SDK1: variants seen among roughly 807,000 people sequenced by gnomAD.
SDK1 encodes the protein protein sidekick-1.
SDK1 carries 157 observed loss-of-function variants against 245.5 expected under a neutral mutation model. The ratio of observed to expected loss-of-function variants is 0.64; its 90% CI spans 0.56 to 0.73. The LOEUF (loss-of-function observed/expected upper bound fraction) is 0.73, where lower values mean the gene tolerates loss of function less well. Among genes scored for constraint, SDK1 ranks in the 30% least tolerant of loss-of-function variants. SDK1 has a pLI of 0.00. For synonymous variants in SDK1, 1,647 were observed against 1,278.5 expected (o/e 1.29, Z -6.15); for missense variants, 3,583 against 3,002.3 (o/e 1.19, Z -4.52).
chr7:3,525,912 T>G (rs1488830141), intron 1 of SDK1, among the ~76,000 whole-genome samples: 2 of 152,166 alleles, frequency 1.3e-5, no homozygotes, highest in Admixed American at 6.5e-5. Context: ...GAATAGAGAT[T>G]GAGATAATAT....
chr7:3,952,081 C>T (rs1277417577), intron 7 of SDK1, 161 bp downstream of exon 7: 1 of 648,470 alleles, frequency 1.5e-6, no homozygotes, highest in Non-Finnish European at 2.6e-6. Flanking sequence ...AGCCTTCTTT[C>T]CCAAGAATAT....
chr7:3,928,785 G>A (rs1163919317), intron 5 of SDK1, among the ~76,000 whole-genome samples: 1 of 152,198 alleles, frequency 6.6e-6, no homozygotes, highest in East Asian at 1.9e-4. Flanking sequence ...AATCTTCAAG[G>A]TAGAGGGTGT....
chr7:4,169,312 A>G (rs1231892233), intron 32 of SDK1, among the ~76,000 whole-genome samples: 1 of 152,176 alleles, frequency 6.6e-6, no homozygotes, highest in Non-Finnish European at 1.5e-5. Flanking sequence ...CACTTGGGCT[A>G]GTCCTGGCTC....
intron 5 of SDK1, among the ~76,000 whole-genome samples, chr7:3,852,177 C>CT (rs529182426): frequency 1.0e-3 from 139 of 135,184 alleles, no homozygotes; most frequent in East Asian, 4.3e-3. Context: ...TGGGTCTAGG[C>CT]TTTTTTTTTT....
intron 4 of SDK1, among the ~76,000 whole-genome samples, chr7:3,658,843 C>G (rs1018677275): frequency 7.2e-5 from 11 of 152,110 alleles, no homozygotes; most frequent in African/African-American, 2.4e-4. Flanking sequence ...GTCTCAAATT[C>G]TTGACCTCAG....
chr7:3,433,966 C>T (rs952791902), intron 1 of SDK1, among the ~76,000 whole-genome samples: 4 of 152,128 alleles, frequency 2.6e-5, no homozygotes, highest in African/African-American at 9.7e-5. Context: ...CGCATAACTA[C>T]CGCAATGCAT....
chr7:3,843,278 C>G (rs765700084), intron 5 of SDK1, among the ~76,000 whole-genome samples: 1 of 152,332 alleles, frequency 6.6e-6, no homozygotes, highest in East Asian at 1.9e-4. Context: ...TTCTGCATAA[C>G]GTAGACTCAC....
At chr7:3,566,399 G>A (rs989362584) in intron 1 of SDK1, among the ~76,000 whole-genome samples, 1 of 151,768 alleles carries the variant, frequency 6.6e-6, no homozygotes, top group African/African-American at 2.4e-5. Flanking sequence ...TAATTTTTTT[G>A]TATTTTCAGT....
At chr7:3,606,138 C>T (rs1313416290) in intron 1 of SDK1, among the ~76,000 whole-genome samples, 1 of 152,188 alleles carries the variant, frequency 6.6e-6, no homozygotes, top group Non-Finnish European at 1.5e-5. Context: ...GAGCCAGCTC[C>T]TTCCATCATG....
At chr7:3,578,964 G>C (rs1780396097) in intron 1 of SDK1, among the ~76,000 whole-genome samples, 1 of 151,900 alleles carries the variant, frequency 6.6e-6, no homozygotes, top group Admixed American at 6.6e-5. Flanking sequence ...AAGTAAGACA[G>C]GTGTAAGAAA....
intron 1 of SDK1, among the ~76,000 whole-genome samples, chr7:3,604,100 G>A (rs1583216786): frequency 6.6e-6 from 1 of 152,134 alleles, no homozygotes; most frequent in Admixed American, 6.5e-5. Context: ...TTTTATTGAG[G>A]ATTTTTGCAT....
intron 1 of SDK1, among the ~76,000 whole-genome samples, chr7:3,555,327 G>T (rs1583161185): frequency 6.6e-6 from 1 of 152,156 alleles, no homozygotes; most frequent in Admixed American, 6.5e-5. Flanking sequence ...AATATACATT[G>T]GGGAAAGGAC....
intron 1 of SDK1, among the ~76,000 whole-genome samples, chr7:3,339,519 A>G (rs1780289512): frequency 6.6e-6 from 1 of 152,146 alleles, no homozygotes; most frequent in African/African-American, 2.4e-5. Context: ...CATAGACATT[A>G]TTCTGGGCTA....
intron 1 of SDK1, among the ~76,000 whole-genome samples, chr7:3,555,001 A>G (rs1465994947): frequency 2.0e-5 from 3 of 152,230 alleles, no homozygotes; most frequent in Admixed American, 6.5e-5. Flanking sequence ...TCAAATGTCC[A>G]TATTACCCAG....
intron 5 of SDK1, among the ~76,000 whole-genome samples, chr7:3,945,899 T>TAAA (rs754101246): frequency 0.028 from 379 of 13,662 alleles, 108 homozygotes; most frequent in Middle Eastern, 0.17. Flanking sequence ...ACTCTGTCTG[T>TAAA]AAAAAAAAAA....
At chr7:4,172,251 C>A (rs1474547374) in intron 32 of SDK1, among the ~76,000 whole-genome samples, 1 of 152,218 alleles carries the variant, frequency 6.6e-6, no homozygotes, top group African/African-American at 2.4e-5. Context: ...GCTGCTTGAG[C>A]TAATGTGGTA....
In SDK1 at chr7:3,639,794, G is replaced by A. The variant is rs143331206; in HGVS notation, c.565+684G>A. Reference sequence around the variant, plus strand: ...TCTGCTTTATTTTATGTACATATGTGTATATATAATAGAGACATAACATAT... The same window carrying A: ...TCTGCTTTATTTTATGTACATATGTATATATATAATAGAGACATAACATAT... On this transcript the variant is annotated intron_variant, in intron 3 of 44. Transcript: ENST00000404826. 2.9e-3 allele frequency among the ~76,000 whole-genome samples: 446 copies of A among 151,846 alleles called. 2 individuals carry two copies. Among genetic ancestry groups the A allele is most frequent in the Non-Finnish European group, 4.3e-3 (291 of 67,944 alleles).
At chr7:3,628,043 G>A (rs766906811) in intron 2 of SDK1, among the ~76,000 whole-genome samples, 9 of 152,062 alleles carry the variant, frequency 5.9e-5, no homozygotes, top group Admixed American at 2.0e-4. Context: ...TTGCAGCTCC[G>A]TCTGCTTGGA....
At chr7:3,356,811 A>C (rs961029738) in intron 1 of SDK1, among the ~76,000 whole-genome samples, 1 of 152,016 alleles carries the variant, frequency 6.6e-6, no homozygotes, top group African/African-American at 2.4e-5. Context: ...TAATCCCAGC[A>C]CTTTGGGAGG....
Sources: allele counts gnomAD v4.1 joint callset (sites outside exome capture counted in the v4.1 genomes callset), GRCh38; gene constraint gnomAD v4.1.1; transcripts MANE v1.5; gene names NCBI Gene and HGNC (gene_info 2026-07-23, HGNC 2026-07-21).